The following ARSB variants were observed in gnomAD, a reference collection of about 807,000 sequenced individuals.
The protein encoded by ARSB is arylsulfatase B, also known as N-acetylgalactosamine-4-sulfatase.
Under a neutral mutation model 50.9 loss-of-function variants are expected in ARSB, and 41 were observed. The ratio of observed to expected loss-of-function variants is 0.81; its 90% CI spans 0.63 to 1.04. The LOEUF (loss-of-function observed/expected upper bound fraction) is 1.04, where lower values mean the gene tolerates loss of function less well. Among genes scored for constraint, ARSB ranks in the 50% least tolerant of loss-of-function variants. The probability of loss-of-function intolerance (pLI) is 0.00; values close to 1 mark genes in which losing one functional copy is unlikely to be tolerated. For synonymous variants in ARSB, 269 were observed against 284.8 expected (o/e 0.94, Z 0.56); for missense variants, 672 against 693.3 (o/e 0.97, Z 0.35).
chr5:78,854,084 C>G (rs1370948098), intron 5 of ARSB, among the ~76,000 whole-genome samples: 1 of 152,254 alleles, frequency 6.6e-6, no homozygotes, highest in African/African-American at 2.4e-5. Context: ...TGCCCACTGT[C>G]TTGCACTCCC....
chr5:78,943,415 T>C (rs1389930321), intron 4 of ARSB, among the ~76,000 whole-genome samples: 23 of 152,196 alleles, frequency 1.5e-4, no homozygotes, highest in South Asian at 4.1e-4. Flanking sequence ...GTGGCTGGTA[T>C]CAGTTGTTCC....
chr5:78,929,160 T>C (rs1654041518), intron 4 of ARSB, among the ~76,000 whole-genome samples: 2 of 152,336 alleles, frequency 1.3e-5, no homozygotes, highest in Non-Finnish European at 2.9e-5. Context: ...CCTGCAGATG[T>C]GTAGCTGAAT....
intron 5 of ARSB, among the ~76,000 whole-genome samples, chr5:78,879,454 C>G (rs932611523): frequency 6.6e-6 from 1 of 152,206 alleles, no homozygotes; most frequent in South Asian, 2.1e-4. Context: ...TTTCTTCTAA[C>G]ATTTTAATAT....
intron 4 of ARSB, among the ~76,000 whole-genome samples, chr5:78,911,132 G>C (rs1749288670): frequency 6.6e-6 from 1 of 152,252 alleles, no homozygotes; most frequent in East Asian, 1.9e-4. Flanking sequence ...CACACACAGA[G>C]AAAATGGATG....
At chr5:78,934,743 C>G (rs1750503284) in intron 4 of ARSB, among the ~76,000 whole-genome samples, 1 of 152,078 alleles carries the variant, frequency 6.6e-6, no homozygotes, top group Non-Finnish European at 1.5e-5. Flanking sequence ...TTGCAATGAG[C>G]TGAGATCACG....
At chr5:78,902,339 A>G (rs1178884506) in intron 4 of ARSB, among the ~76,000 whole-genome samples, 1 of 152,254 alleles carries the variant, frequency 6.6e-6, no homozygotes, top group East Asian at 1.9e-4. Context: ...CAAAGGGTTT[A>G]GCAGTTCCTC....
At chr5:78,980,144 G>C (rs1351649963) in intron 1 of ARSB, among the ~76,000 whole-genome samples, 11 of 152,190 alleles carry the variant, frequency 7.2e-5, no homozygotes. Context: ...TCTTTCTGAG[G>C]TGATGAAAAT....
intron 5 of ARSB, among the ~76,000 whole-genome samples, chr5:78,858,397 G>C (rs1746260939): frequency 6.6e-6 from 1 of 152,110 alleles, no homozygotes; most frequent in African/African-American, 2.4e-5. Context: ...AGGGCAAGGA[G>C]ACAGCCACTG....
intron 5 of ARSB, among the ~76,000 whole-genome samples, chr5:78,882,273 C>T (rs969019301): frequency 2.6e-5 from 4 of 152,086 alleles, no homozygotes; most frequent in African/African-American, 9.7e-5. Flanking sequence ...ATGACCTGCC[C>T]TGGGGAAGAA....
chr5:78,918,066 G>A (rs1749641129), intron 4 of ARSB, among the ~76,000 whole-genome samples: 1 of 152,206 alleles, frequency 6.6e-6, no homozygotes, highest in South Asian at 2.1e-4. Flanking sequence ...CTGAGGTGTA[G>A]AAAATAGATG....
chr5:78,808,528 G>A (rs1190922784), intron 6 of ARSB, among the ~76,000 whole-genome samples: 1 of 152,134 alleles, frequency 6.6e-6, no homozygotes, highest in Admixed American at 6.5e-5. Context: ...GGGTGGCTGG[G>A]AGGATGCTGT....
At chr5:78,799,065 A>T in intron 6 of ARSB, among the ~76,000 whole-genome samples, 1 of 152,240 alleles carries the variant, frequency 6.6e-6, no homozygotes, top group Non-Finnish European at 1.5e-5. Context: ...AGGGTTTCAC[A>T]TGAACTGGGA....
At chr5:78,806,606 C>T (rs956318896) in intron 6 of ARSB, among the ~76,000 whole-genome samples, 11 of 152,226 alleles carry the variant, frequency 7.2e-5, no homozygotes, top group African/African-American at 2.7e-4. Flanking sequence ...AGTCACTCCT[C>T]CTCACCCTGC....
rs188959981 is a variant in ARSB, at chr5:78,913,218, A to G, written c.899-27391T>C. 8.7e-3 allele frequency among the ~76,000 whole-genome samples: 1,293 copies of G among 149,114 alleles called. 18 individuals are homozygous for G. The highest frequency in any genetic ancestry group is 0.031 in the African/African-American group (1,241 of 40,412). On this transcript the variant is annotated intron_variant, in intron 4 of 7. Coordinates refer to ENST00000264914, the MANE Select transcript of ARSB (RefSeq NM_000046.5). The stretch of plus-strand genomic sequence containing the variant: ...CCGCTCACTGCAGGCTCCGCCTCCC[A>G]GGTTCACGCCATTCTCCTGCCTCAG...
At chr5:78,820,785 T>A (rs903859677) in intron 6 of ARSB, among the ~76,000 whole-genome samples, 1 of 152,074 alleles carries the variant, frequency 6.6e-6, no homozygotes, top group Middle Eastern at 3.2e-3. Flanking sequence ...GCCAATAGCA[T>A]TCCCCACTCA....
In ARSB at chr5:78,780,048, A is replaced by C; in HGVS notation, c.*349T>G. 2 of 320,250 alleles carry C rather than the reference A, an allele frequency of 6.2e-6. No individual in the cohort carries two copies. The highest frequency in any genetic ancestry group is 1.2e-5 in the Non-Finnish European group (2 of 166,682). 19.8% of individuals were successfully genotyped at this position (320,250 alleles called of 1,614,324 possible). On this transcript the variant is annotated 3_prime_UTR_variant, in exon 8 of 8. Coordinates refer to ENST00000264914, the MANE Select transcript of ARSB (RefSeq NM_000046.5). ...ATAAAACTGGCTATTGGCAGAGGGG[A>C]ATCGAACGTCTGACTTGTGAGTCTA...
intron 7 of ARSB, among the ~76,000 whole-genome samples, chr5:78,781,518 G>A (rs965063783): frequency 1.7e-4 from 26 of 151,914 alleles, no homozygotes; most frequent in Admixed American, 1.0e-3. Flanking sequence ...GGGAACAGGC[G>A]GAGTCTTAGA....
At chr5:78,841,624 C>T (rs1745218974) in intron 5 of ARSB, among the ~76,000 whole-genome samples, 1 of 151,914 alleles carries the variant, frequency 6.6e-6, no homozygotes, top group Non-Finnish European at 1.5e-5. Flanking sequence ...CTGTAATACC[C>T]CAAAATATTA....
intron 5 of ARSB, among the ~76,000 whole-genome samples, chr5:78,869,884 T>G (rs574948394): frequency 0.12 from 18,404 of 149,868 alleles, 1,101 homozygotes; most frequent in Middle Eastern, 0.21. Context: ...AGCTGGTTTT[T>G]TGAAAGGATC....
Sources: allele counts gnomAD v4.1 joint callset (sites outside exome capture counted in the v4.1 genomes callset), GRCh38; gene constraint gnomAD v4.1.1; transcripts MANE v1.5; gene names NCBI Gene and HGNC (gene_info 2026-07-23, HGNC 2026-07-21).